Variants in PITPNA observed in about 807,000 individuals in gnomAD.
PITPNA encodes phosphatidylinositol transfer protein alpha isoform.
A neutral mutation model predicts 50.3 loss-of-function variants in PITPNA; 13 were observed. The observed-to-expected ratio is 0.26, with a 90% CI of 0.17 to 0.41. PITPNA has a LOEUF of 0.41. Among genes scored for constraint, PITPNA ranks in the 10% least tolerant of loss-of-function variants. The pLI, the probability that PITPNA is intolerant of heterozygous loss-of-function variation, is 1.00. For missense variants in PITPNA, 207 were observed against 333.4 expected, an observed-to-expected ratio of 0.62 and a Z score of 2.95; for synonymous variants, 120 against 119.6, an observed-to-expected ratio of 1.00 and a Z score of -0.02.
intron 6 of PITPNA, among the ~76,000 whole-genome samples, chr17:1,541,194 T>C (rs557781946): frequency 1.3e-5 from 2 of 152,336 alleles, no homozygotes; most frequent in African/African-American, 4.8e-5. Context: ...ATTTCACACA[T>C]GTGAAAATAA....
intron 10 of PITPNA, 76 bp downstream of exon 10, chr17:1,534,023 T>G: frequency 6.4e-7 from 1 of 1,553,240 alleles, no homozygotes; most frequent in Non-Finnish European, 8.8e-7. Context: ...GTGCTCTCGG[T>G]GAAGCGCCCC....
chr17:1,551,749 G>A lies in PITPNA; in HGVS notation c.197+1255C>T, dbSNP rs570785595. Among the ~76,000 whole-genome samples, 7 of 152,368 alleles carry A rather than the reference G, an allele frequency of 4.6e-5. No homozygotes were observed. The South Asian group carries it at 8.3e-4, about 18-fold the overall frequency. On this transcript the variant is annotated intron_variant, in intron 3 of 11. Transcript: ENST00000313486. ...AAGAAATACAAATACCAGAGGAGGA[G>A]CAAAACGAGACATGGAGAAAAAGTG...
chr17:1,556,466 T>C (rs2075735462), intron 2 of PITPNA, among the ~76,000 whole-genome samples: 1 of 152,190 alleles, frequency 6.6e-6, no homozygotes, highest in South Asian at 2.1e-4. Context: ...GGCCCCACCA[T>C]AAGCCATCAG....
In PITPNA at chr17:1,534,141, G is replaced by T. The variant is rs2230464; in HGVS notation, c.726C>A (p.Asp242Glu). 7 of 1,613,800 alleles carry T rather than the reference G, an allele frequency of 4.3e-6. No individual in the cohort carries two copies. The highest frequency in any genetic ancestry group is 5.9e-6 in the Non-Finnish European group (7 of 1,179,836). ...TCGTCTCTTCTTCCATCCTTCGAAT[G>T]TCGTCCATGGTCAGGTCAACCCACT... ...LDKWVDLTMD[D>E]IRRMEEETKR... The change falls in exon 10 of 12, where the codon GAC becomes GAA. Residue 242 changes from aspartate (D) to glutamate (E), a missense_variant. Asp to Glu is a conservative substitution (Grantham distance 45). Transcript: ENST00000313486.
At chr17:1,536,143 C>T (rs1453614600) in intron 7 of PITPNA, among the ~76,000 whole-genome samples, 1 of 152,120 alleles carries the variant, frequency 6.6e-6, no homozygotes, top group Admixed American at 6.6e-5. Flanking sequence ...TTAACCACAA[C>T]AAAAGTTTAA....
chr17:1,528,904 G>A (rs571008224), intron 10 of PITPNA, among the ~76,000 whole-genome samples: 3 of 152,012 alleles, frequency 2.0e-5, no homozygotes, highest in South Asian at 2.1e-4. Flanking sequence ...TTGGGAGGCC[G>A]AGGCAGGCGG....
chr17:1,526,455 C>G (rs2075548710), intron 10 of PITPNA, among the ~76,000 whole-genome samples: 1 of 152,182 alleles, frequency 6.6e-6, no homozygotes, highest in Non-Finnish European at 1.5e-5. Context: ...ACTGTTCTTG[C>G]CTATTTTCTG....
intron 10 of PITPNA, among the ~76,000 whole-genome samples, chr17:1,528,266 A>G (rs1414006053): frequency 6.6e-6 from 1 of 152,114 alleles, no homozygotes; most frequent in African/African-American, 2.4e-5. Flanking sequence ...TCAGCCTCCC[A>G]AGTAGCTGGG....
At chr17:1,552,953 T>C in intron 3 of PITPNA, 51 bp downstream of exon 3, 1 of 1,588,914 alleles carries the variant, frequency 6.3e-7, no homozygotes, top group East Asian at 2.2e-5. Flanking sequence ...ATAACACTCA[T>C]TCACACACAC....
chr17:1,523,505 CTT>C lies in PITPNA; in HGVS notation c.769-1862_769-1861del, dbSNP rs11401118. 8.8e-4 allele frequency among the ~76,000 whole-genome samples: 103 copies of C among 117,374 alleles called. No homozygotes were observed. In the East Asian group the frequency reaches 0.015, roughly 17 times the overall value. The allele number at this position is 117,374 out of a possible 152,430, so 77.0% of individuals were successfully genotyped here. Reference sequence around the variant, plus strand: ...TACAGGCATGTGCCACCACGCCTGGCTTTTTTTTTTTTTTTTTTTGAGACACA... The same window carrying C: ...TACAGGCATGTGCCACCACGCCTGGCTTTTTTTTTTTTTTTTTGAGACACA... On this transcript the variant is annotated intron_variant, in intron 10 of 11. Transcript: ENST00000313486.
chr17:1,535,061 A>G (rs1362215677), intron 9 of PITPNA, 121 bp downstream of exon 9: 1 of 458,874 alleles, frequency 2.2e-6, no homozygotes, highest in East Asian at 4.0e-5. Context: ...CCCCCACCGC[A>G]CACACACGCA....
chr17:1,523,940 T>A (rs1446457631), intron 10 of PITPNA, among the ~76,000 whole-genome samples: 2 of 152,098 alleles, frequency 1.3e-5, no homozygotes, highest in Non-Finnish European at 2.9e-5. Context: ...ATTACAGGAA[T>A]GAGCCACTGC....
chr17:1,521,662 A>G lies in PITPNA; in HGVS notation c.769-17T>C, dbSNP rs1239400168. 3 of 1,610,160 alleles carry G rather than the reference A, an allele frequency of 1.9e-6. No homozygotes were observed. The highest frequency in any genetic ancestry group is 1.7e-6 in the Non-Finnish European group (2 of 1,176,518). On this transcript the variant is annotated splice_polypyrimidine_tract_variant and intron_variant, in intron 10 of 11. Transcript: ENST00000313486. ...TTGTCTCATCTGGAACAAAAAAAGC[A>G]GGACAAATGGAAGGCTCCTGCTGCT...
intron 3 of PITPNA, among the ~76,000 whole-genome samples, chr17:1,550,882 A>G (rs981438346): frequency 1.3e-5 from 2 of 152,250 alleles, no homozygotes; most frequent in African/African-American, 4.8e-5. Flanking sequence ...ACTGAAAGGC[A>G]GGGAGACTCG....
intron 6 of PITPNA, among the ~76,000 whole-genome samples, chr17:1,539,918 GT>G: frequency 6.6e-6 from 1 of 152,344 alleles, no homozygotes; most frequent in Admixed American, 6.5e-5. Context: ...TGTATTTTTA[GT>G]AGAAACAGGG....
At chr17:1,544,744 C>T (rs1372932310) in intron 4 of PITPNA, among the ~76,000 whole-genome samples, 1 of 152,238 alleles carries the variant, frequency 6.6e-6, no homozygotes, top group Non-Finnish European at 1.5e-5. Context: ...TCGAGACCAG[C>T]TTGGCCAACA....
chr17:1,547,776 C>A (rs1286821489), intron 4 of PITPNA, among the ~76,000 whole-genome samples: 3 of 150,382 alleles, frequency 2.0e-5, no homozygotes, highest in Non-Finnish European at 4.4e-5. Flanking sequence ...GGCGGATAAC[C>A]TGAGGTCAGG....
chr17:1,522,972 C>T (rs1185304734), intron 10 of PITPNA, among the ~76,000 whole-genome samples: 1 of 152,182 alleles, frequency 6.6e-6, no homozygotes, highest in Non-Finnish European at 1.5e-5. Context: ...AGTAACAGAA[C>T]TTCCCTTTCC....
chr17:1,536,368 A>G (rs1464763684), intron 7 of PITPNA, among the ~76,000 whole-genome samples: 2 of 150,474 alleles, frequency 1.3e-5, no homozygotes, highest in Non-Finnish European at 3.0e-5. Flanking sequence ...GCTCACTGCA[A>G]GCTCCATCTC....
Sources: allele counts gnomAD v4.1 joint callset (sites outside exome capture counted in the v4.1 genomes callset), GRCh38; gene constraint gnomAD v4.1.1; transcripts MANE v1.5; gene names NCBI Gene and HGNC (gene_info 2026-07-23, HGNC 2026-07-21).